The following ABCD2 variants were observed in gnomAD, a reference collection of about 807,000 sequenced individuals.
ABCD2 encodes the protein ATP binding cassette subfamily D member 2.
Under a neutral mutation model 70.9 loss-of-function variants are expected in ABCD2, and 36 were observed. The ratio of observed to expected loss-of-function variants is 0.51; its 90% CI spans 0.39 to 0.67. ABCD2 has a LOEUF of 0.67. ABCD2 is among the 30% of genes least tolerant of loss of function. The probability of loss-of-function intolerance (pLI) is 0.00; values close to 1 mark genes in which losing one functional copy is unlikely to be tolerated. For missense variants in ABCD2, 729 were observed against 890.2 expected (o/e 0.82, Z 2.30); for synonymous variants, 304 against 306.9 (o/e 0.99, Z 0.10).
At position 39,580,906 on chromosome 12, in the gene ABCD2, T is replaced by C. The variant is rs1008438905; in HGVS notation, c.1793-1287A>G. Reference sequence around the variant, plus strand: ...AGCCCTCATTGCTTTATGTGTACTGTGTATCTGAAAAGTCAAATTATCAAA... The same window carrying C: ...AGCCCTCATTGCTTTATGTGTACTGCGTATCTGAAAAGTCAAATTATCAAA... On this transcript the variant is annotated intron_variant, in intron 7 of 9. Coordinates refer to ENST00000308666, the MANE Select transcript of ABCD2 (RefSeq NM_005164.4). Among the ~76,000 whole-genome samples, 3 of 152,190 alleles carry C rather than the reference T, an allele frequency of 2.0e-5. No individual in the cohort carries two copies. The South Asian group carries it at 6.2e-4, about 31-fold the overall frequency.
intron 6 of ABCD2, among the ~76,000 whole-genome samples, chr12:39,589,419 C>A (rs1258315866): frequency 7.4e-6 from 1 of 134,674 alleles, no homozygotes; most frequent in African/African-American, 2.9e-5. Flanking sequence ...CGGAGTCTCG[C>A]TTTGTCGCCC....
At chr12:39,538,251 C>T in the ABCD2 span, among the ~76,000 whole-genome samples, 2 of 150,416 alleles carry the variant, frequency 1.3e-5, no homozygotes, top group African/African-American at 4.9e-5. Context: ...CTCACTGCAA[C>T]CTCCACCTCC....
At chr12:39,593,140 A>G (rs928979485) in intron 6 of ABCD2, among the ~76,000 whole-genome samples, 8 of 152,228 alleles carry the variant, frequency 5.3e-5, no homozygotes. Flanking sequence ...AACAATGTTG[A>G]TATATAACAC....
intron 2 of ABCD2, among the ~76,000 whole-genome samples, chr12:39,608,361 T>C (rs1941998986): frequency 6.6e-6 from 1 of 152,100 alleles, no homozygotes; most frequent in Non-Finnish European, 1.5e-5. Context: ...CCTTTCCACT[T>C]GGACTCCCTG....
At chr12:39,607,837 A>G (rs1941991637) in intron 2 of ABCD2, 123 bp from the exon 3 acceptor site, 1 of 688,218 alleles carries the variant, frequency 1.5e-6, no homozygotes, top group South Asian at 1.8e-5. Flanking sequence ...TTTCATTAGT[A>G]GTAGCAATTT....
At chr12:39,603,361 T>C (rs1049686567) in intron 5 of ABCD2, among the ~76,000 whole-genome samples, 1 of 152,108 alleles carries the variant, frequency 6.6e-6, no homozygotes, top group Non-Finnish European at 1.5e-5. Context: ...TTAGATACTT[T>C]TACTTTTTAG....
At position 39,609,479 on chromosome 12, in the gene ABCD2, T is replaced by G. The variant is rs182462829; in HGVS notation, c.1121-1765A>C. On this transcript the variant is annotated intron_variant, in intron 2 of 9. Transcript: ENST00000308666. ...CTAAATATCAGCAGTTATTATTTTT[T>G]GTAGTTGTCGTTGCTATTATTGTAT... is the stretch of plus-strand genomic sequence containing the variant. Among the ~76,000 whole-genome samples the G allele has an allele frequency of 7.2e-4, 109 of 152,348 alleles. 1 individual carries two copies. Among genetic ancestry groups the G allele is most frequent in the African/African-American group, 2.5e-3 (105 of 41,590 alleles).
chr12:39,540,335 A>C, the ABCD2 span, among the ~76,000 whole-genome samples: 1 of 152,084 alleles, frequency 6.6e-6, no homozygotes, highest in East Asian at 1.9e-4. Flanking sequence ...ACAAACCATA[A>C]ATTCTCATCA....
chr12:39,579,048 C>A (rs1056252775), intron 8 of ABCD2, among the ~76,000 whole-genome samples: 2 of 152,056 alleles, frequency 1.3e-5, no homozygotes, highest in Non-Finnish European at 2.9e-5. Context: ...AAAACAAATA[C>A]TTGGAGATTC....
intron 7 of ABCD2, among the ~76,000 whole-genome samples, chr12:39,584,445 T>C (rs1052199241): frequency 2.0e-5 from 3 of 152,146 alleles, no homozygotes; most frequent in Non-Finnish European, 4.4e-5. Flanking sequence ...AATTTGCAAA[T>C]ACTTTCTCCC....
rs558317926 is a variant in ABCD2 at position 39,551,254 on chromosome 12, A to C, written c.*2658T>G. 6.6e-6 allele frequency: 1 copy of C among 151,736 alleles called. No homozygotes were observed. The highest frequency in any genetic ancestry group is 2.4e-5 in the African/African-American group (1 of 41,426). 9.4% of individuals were successfully genotyped at this position (151,736 alleles called of 1,614,324 possible). On this transcript the variant is annotated 3_prime_UTR_variant, in exon 10 of 10. Transcript: ENST00000308666. The stretch of plus-strand genomic sequence containing the variant: ...TTTTCAAGTTTAAGAGTTAACCTAA[A>C]GAATGCACATTTTAAACTCAAGCTC...
intron 8 of ABCD2, among the ~76,000 whole-genome samples, chr12:39,576,004 C>T (rs1352781173): frequency 6.6e-6 from 1 of 152,198 alleles, no homozygotes; most frequent in African/African-American, 2.4e-5. Flanking sequence ...CACACTGATA[C>T]AGTGACAAAT....
intron 6 of ABCD2, among the ~76,000 whole-genome samples, chr12:39,597,000 T>C (rs1199758985): frequency 1.3e-5 from 2 of 152,192 alleles, no homozygotes; most frequent in South Asian, 4.1e-4. Flanking sequence ...TTTATGGTTA[T>C]GTTGTTGTTT....
chr12:39,559,049 A>G (rs1941212136), intron 9 of ABCD2, among the ~76,000 whole-genome samples: 1 of 152,160 alleles, frequency 6.6e-6, no homozygotes, highest in South Asian at 2.1e-4. Flanking sequence ...GAATGAAGAA[A>G]GCTTATGGGA....
intron 6 of ABCD2, among the ~76,000 whole-genome samples, chr12:39,590,959 G>A (rs1219609522): frequency 6.6e-6 from 1 of 152,052 alleles, no homozygotes; most frequent in Non-Finnish European, 1.5e-5. Flanking sequence ...AAAAAAAAGT[G>A]TGACATGAAA....
chr12:39,579,317 G>A (rs554801254), intron 8 of ABCD2, among the ~76,000 whole-genome samples: 1 of 152,198 alleles, frequency 6.6e-6, no homozygotes, highest in Non-Finnish European at 1.5e-5. Context: ...AGCCAAGATC[G>A]TGCCACTGCA....
the ABCD2 span, among the ~76,000 whole-genome samples, chr12:39,537,664 A>G: frequency 3.3e-5 from 5 of 152,240 alleles, no homozygotes; most frequent in Non-Finnish European, 7.3e-5. Flanking sequence ...TTATAAACTC[A>G]GAATAATAAC....
At chr12:39,587,115 T>C (rs1326956223) in intron 6 of ABCD2, among the ~76,000 whole-genome samples, 1 of 152,122 alleles carries the variant, frequency 6.6e-6, no homozygotes, top group Admixed American at 6.6e-5. Flanking sequence ...ATGCATGAGG[T>C]TATTCATTAC....
intron 9 of ABCD2, among the ~76,000 whole-genome samples, chr12:39,571,045 C>A (rs1203769427): frequency 6.6e-6 from 1 of 152,004 alleles, no homozygotes; most frequent in Non-Finnish European, 1.5e-5. Flanking sequence ...TCACTCTTGT[C>A]AGAATGGCTA....
Sources: gnomAD v4.1 joint callset for allele counts (sites outside exome capture counted in the v4.1 genomes callset) on GRCh38, gnomAD v4.1.1 for gene constraint, MANE v1.5 for transcripts, NCBI Gene and HGNC (gene_info 2026-07-23, HGNC 2026-07-21) for gene names.